The following ATP11B variants were observed in gnomAD, a reference collection of about 807,000 sequenced individuals.
The protein encoded by ATP11B is ATPase phospholipid transporting 11B (putative).
A neutral mutation model predicts 157.8 loss-of-function variants in ATP11B; 81 were observed. The ratio of observed to expected loss-of-function variants is 0.51; its 90% CI spans 0.43 to 0.62. ATP11B has a LOEUF of 0.62. ATP11B is among the 20% of genes least tolerant of loss of function. The pLI is 0.00. For synonymous variants in ATP11B, 451 were observed against 469.4 expected, an observed-to-expected ratio of 0.96 and a Z score of 0.51; for missense variants, 1,165 against 1,402.2, an observed-to-expected ratio of 0.83 and a Z score of 2.70.
chr3:182,869,426 C>A, intron 17 of ATP11B, 95 bp downstream of exon 17: 1 of 860,446 alleles, frequency 1.2e-6, no homozygotes, highest in South Asian at 1.9e-5. Flanking sequence ...AAATTGTGGA[C>A]ATTCTGCAGT....
In ATP11B at chr3:182,837,123, A is replaced by G; in HGVS notation, c.605A>G (p.Asp202Gly). The change falls in exon 7 of 30, where the codon GAC (aspartate) becomes GGC (glycine). Residue 202 changes from aspartate to glycine, a missense_variant. This residue lies in a region of ATP11B where 737 missense variants were observed against 930.5 expected (regional missense o/e 0.79). Coordinates refer to ENST00000323116, the MANE Select transcript of ATP11B (RefSeq NM_014616.3). ...TALLQTVANL[D>G]TLVAVIECQQ... ...TTATTACAAACAGTTGCCAATTTGG[A>G]CACTCTAGTAGCTGTAATAGAATGC... 1 of 1,613,542 alleles carries G rather than the reference A, an allele frequency of 6.2e-7. No homozygotes were observed. The highest frequency in any genetic ancestry group is 8.5e-7 in the Non-Finnish European group (1 of 1,179,646).
At chr3:182,902,323 GC>G (rs1724022760) in intron 28 of ATP11B, among the ~76,000 whole-genome samples, 1 of 152,190 alleles carries the variant, frequency 6.6e-6, no homozygotes, top group Admixed American at 6.5e-5. Context: ...ACAGCCAACA[GC>G]CCTACAAATG....
rs182050619 is a variant in ATP11B at position 182,858,858 on chromosome 3, G to A, written c.1003-304G>A. ...CTGCAGATATTATAATTATAATTTT[G>A]CCAAAGGTAGTTTCAGTCATACCAG... On this transcript the variant is annotated intron_variant, in intron 11 of 29. Coordinates refer to ENST00000323116, the MANE Select transcript of ATP11B (RefSeq NM_014616.3). Among the ~76,000 whole-genome samples the A allele has an allele frequency of 7.3e-4, 111 of 152,236 alleles. 1 individual carries two copies. The highest frequency in any genetic ancestry group is 4.8e-3 in the Admixed American group (74 of 15,302).
intron 12 of ATP11B, among the ~76,000 whole-genome samples, chr3:182,859,970 A>G (rs548602449): frequency 4.3e-4 from 64 of 148,056 alleles, no homozygotes; most frequent in Admixed American, 1.0e-3. Context: ...TTTGGTAGCA[A>G]TGTTTTTGGA....
intron 2 of ATP11B, among the ~76,000 whole-genome samples, chr3:182,820,918 A>G (rs944864364): frequency 6.6e-6 from 1 of 152,170 alleles, no homozygotes; most frequent in African/African-American, 2.4e-5. Context: ...TGTACCAGAA[A>G]CTATATTAAG....
chr3:182,889,890 A>G (rs1723062733), intron 25 of ATP11B, among the ~76,000 whole-genome samples: 1 of 152,178 alleles, frequency 6.6e-6, no homozygotes, highest in African/African-American at 2.4e-5. Flanking sequence ...TGTGCTAAGT[A>G]CTTTAATATG....
intron 1 of ATP11B, among the ~76,000 whole-genome samples, chr3:182,820,010 A>G (rs1054994631): frequency 1.3e-5 from 2 of 152,118 alleles, no homozygotes; most frequent in Non-Finnish European, 2.9e-5. Flanking sequence ...CTATCTGGAG[A>G]TAATGTACCT....
chr3:182,811,438 C>G (rs774794521), intron 1 of ATP11B, among the ~76,000 whole-genome samples: 3 of 152,154 alleles, frequency 2.0e-5, no homozygotes, highest in Non-Finnish European at 4.4e-5. Context: ...TCTAATACTT[C>G]TGCCTCACCC....
chr3:182,860,493 T>G (rs1720749750), intron 12 of ATP11B, among the ~76,000 whole-genome samples: 1 of 152,204 alleles, frequency 6.6e-6, no homozygotes, highest in Non-Finnish European at 1.5e-5. Context: ...TTTTATTTTT[T>G]GTTTCATGGG....
intron 15 of ATP11B, among the ~76,000 whole-genome samples, chr3:182,868,784 G>A (rs1577051212): frequency 6.6e-6 from 1 of 152,222 alleles, no homozygotes; most frequent in East Asian, 1.9e-4. Context: ...TCTTTCTGAG[G>A]TTAATAGTCC....
intron 1 of ATP11B, among the ~76,000 whole-genome samples, chr3:182,803,177 T>C (rs1384003732): frequency 6.6e-6 from 1 of 152,186 alleles, no homozygotes; most frequent in Non-Finnish European, 1.5e-5. Flanking sequence ...CCAAAGTATT[T>C]TCTAAAACAG....
At chr3:182,823,569 T>G (rs1717514383) in intron 2 of ATP11B, among the ~76,000 whole-genome samples, 1 of 152,152 alleles carries the variant, frequency 6.6e-6, no homozygotes, top group Non-Finnish European at 1.5e-5. Context: ...GCTTTGTTCT[T>G]TTGGCTTAGG....
chr3:182,826,528 CAT>C (rs367985194), intron 2 of ATP11B, among the ~76,000 whole-genome samples: 5 of 152,274 alleles, frequency 3.3e-5, no homozygotes, highest in African/African-American at 9.6e-5. Context: ...ATTACCATCT[CAT>C]GTGTATACAT....
intron 7 of ATP11B, among the ~76,000 whole-genome samples, chr3:182,837,520 AGCCAGG>A (rs1441813136): frequency 1.3e-5 from 2 of 152,080 alleles, no homozygotes; most frequent in Admixed American, 1.3e-4. Context: ...AGCTCCATGA[AGCCAGG>A]GACTATGTCT....
intron 28 of ATP11B, among the ~76,000 whole-genome samples, chr3:182,905,079 G>A (rs1239633582): frequency 6.6e-6 from 1 of 152,006 alleles, no homozygotes; most frequent in Admixed American, 6.6e-5. Flanking sequence ...TTTTGTTTAT[G>A]TCAGAAATTC....
intron 1 of ATP11B, among the ~76,000 whole-genome samples, chr3:182,800,240 G>T (rs566438890): frequency 7.4e-5 from 11 of 149,244 alleles, no homozygotes; most frequent in Middle Eastern, 6.8e-3. Flanking sequence ...TTTTTTTTTT[G>T]AGATAAGGCC....
chr3:182,911,238 TATCTTTTCCCCCCC>T (rs1560134030), intron 28 of ATP11B, among the ~76,000 whole-genome samples: 2 of 141,910 alleles, frequency 1.4e-5, no homozygotes, highest in African/African-American at 5.7e-5. Context: ...CAGCCTGGAA[TATCTTTTCCCCCCC>T]ATCTCCTGCT....
At chr3:182,806,858 A>G (rs1272200252) in intron 1 of ATP11B, among the ~76,000 whole-genome samples, 1 of 152,100 alleles carries the variant, frequency 6.6e-6, no homozygotes. Context: ...CAAGCACAAT[A>G]CTACTAATTG....
intron 1 of ATP11B, among the ~76,000 whole-genome samples, chr3:182,806,920 G>T (rs993578787): frequency 2.0e-5 from 3 of 151,904 alleles, no homozygotes; most frequent in Admixed American, 6.6e-5. Context: ...TTCTTATCCG[G>T]CTATTCTTAT....
Sources: gnomAD v4.1 joint callset for allele counts (sites outside exome capture counted in the v4.1 genomes callset) on GRCh38, gnomAD v4.1.1 for gene constraint, gnomAD v4.1.1 regional missense constraint, MANE v1.5 for transcripts, NCBI Gene and HGNC (gene_info 2026-07-23, HGNC 2026-07-21) for gene names.